The following FMN1 variants were observed in gnomAD, a reference collection of about 807,000 sequenced individuals.
FMN1 encodes the protein formin-1.
A neutral mutation model predicts 132.4 loss-of-function variants in FMN1; 110 were observed. The ratio of observed to expected loss-of-function variants is 0.83; its 90% confidence interval spans 0.71 to 0.97. FMN1 has a LOEUF of 0.97. FMN1 is among the 50% of genes least tolerant of loss of function. The pLI, the probability that FMN1 is intolerant of heterozygous loss-of-function variation, is 0.00. For missense variants in FMN1, 1,792 were observed against 1,705.3 expected (o/e 1.05, Z -0.90); for synonymous variants, 722 against 651.7 (o/e 1.11, Z -1.64).
At chr15:33,128,507 A>T (rs1042925635) in intron 4 of FMN1, among the ~76,000 whole-genome samples, 4 of 152,238 alleles carry the variant, frequency 2.6e-5, no homozygotes, top group Non-Finnish European at 2.9e-5. Flanking sequence ...CAGAGTCATT[A>T]CACTGAGAAT....
At chr15:33,109,886 G>T (rs2730050) in intron 4 of FMN1, among the ~76,000 whole-genome samples, 3 of 151,340 alleles carry the variant, frequency 2.0e-5, no homozygotes, top group Non-Finnish European at 4.4e-5. Context: ...TGTAAATCAG[G>T]AAGTCTAAAA....
At chr15:32,924,943 A>C (rs2060921721) in intron 10 of FMN1, among the ~76,000 whole-genome samples, 1 of 152,022 alleles carries the variant, frequency 6.6e-6, no homozygotes, top group South Asian at 2.1e-4. Context: ...AACCAAAAAA[A>C]CCCCCAAAGA....
At chr15:33,072,868 A>G (rs1297446787) in intron 5 of FMN1, among the ~76,000 whole-genome samples, 1 of 151,086 alleles carries the variant, frequency 6.6e-6, no homozygotes, top group Non-Finnish European at 1.5e-5. Flanking sequence ...GGCTGCAGTG[A>G]GCCGAGATGC....
chr15:33,076,492 G>A (rs1176219590), intron 5 of FMN1, among the ~76,000 whole-genome samples: 3 of 151,928 alleles, frequency 2.0e-5, no homozygotes, highest in African/African-American at 7.3e-5. Context: ...TTTTTAAAGG[G>A]GACAAAAGAA....
At chr15:33,064,741 T>A (rs763763429) in intron 6 of FMN1, 1 of 368,264 alleles carries the variant, frequency 2.7e-6, no homozygotes, top group Non-Finnish European at 4.9e-6. Context: ...CATTCCCCCT[T>A]TCATTCATTC....
In FMN1 at chr15:33,094,628, G is replaced by A. The variant is rs547823784; in HGVS notation, c.1868-5654C>T. The stretch of plus-strand genomic sequence containing the variant: ...ACCCTATGATACTCCTTCCCAGAAA[G>A]TCAAACATAGGAGCCTAGAGCCATG... On this transcript the variant is annotated intron_variant, in intron 4 of 20. Coordinates refer to ENST00000616417, the MANE Select transcript of FMN1 (RefSeq NM_001277313.2). Among the ~76,000 whole-genome samples the A allele has an allele frequency of 3.3e-5, 5 of 152,294 alleles. No homozygotes were observed. The South Asian group carries it at 1.0e-3, about 32-fold the overall frequency.
At chr15:33,110,399 A>G (rs2039655599) in intron 4 of FMN1, among the ~76,000 whole-genome samples, 2 of 152,140 alleles carry the variant, frequency 1.3e-5, no homozygotes, top group South Asian at 4.1e-4. Context: ...AGTACAGTAA[A>G]AAGACTGGAA....
At chr15:33,049,263 C>T (rs1330259319) in intron 6 of FMN1, among the ~76,000 whole-genome samples, 1 of 152,116 alleles carries the variant, frequency 6.6e-6, no homozygotes, top group African/African-American at 2.4e-5. Flanking sequence ...TTGGACTTAG[C>T]TCATGCATTA....
At chr15:33,043,540 GA>G in intron 6 of FMN1, among the ~76,000 whole-genome samples, 1 of 152,326 alleles carries the variant, frequency 6.6e-6, no homozygotes, top group South Asian at 2.1e-4. Context: ...CCTGATTCAC[GA>G]ATTGTTCATT....
intron 9 of FMN1, among the ~76,000 whole-genome samples, chr15:32,934,597 CCTTT>C (rs1372646664): frequency 2.1e-4 from 31 of 145,876 alleles, no homozygotes; most frequent in African/African-American, 4.1e-4. Flanking sequence ...CAATTTTTTT[CCTTT>C]TTTTTTTTTT....
Position 32,770,334 on chromosome 15 carries a change from A to G in FMN1, c.*3976T>C, listed in dbSNP as rs1226088416. ...ATGACACTGGCCAAGGGAGAAGCAG[A>G]AACAGAAATGAGGACATGTAACTTT... On this transcript the variant is annotated 3_prime_UTR_variant, in exon 21 of 21. Transcript: ENST00000616417. 4 of 152,256 alleles carry G rather than the reference A, an allele frequency of 2.6e-5. No homozygotes were observed. The highest frequency in any genetic ancestry group is 4.4e-5 in the Non-Finnish European group (3 of 68,046). The allele number at this position is 152,256 out of a possible 1,614,324, so 9.4% of individuals were successfully genotyped here. A position where few individuals can be genotyped will look rare whatever the true frequency, so the allele number is the denominator to read the frequency against.
intron 4 of FMN1, among the ~76,000 whole-genome samples, chr15:33,106,787 A>G (rs2039504744): frequency 1.3e-5 from 2 of 151,992 alleles, no homozygotes; most frequent in South Asian, 2.1e-4. Context: ...CCCCTCCCCA[A>G]TCCCTTGGCC....
chr15:33,148,653 CCT>C (rs1164258850), intron 4 of FMN1, among the ~76,000 whole-genome samples: 3 of 151,758 alleles, frequency 2.0e-5, no homozygotes, highest in African/African-American at 7.3e-5. Flanking sequence ...ATTAATCTCC[CCT>C]GTCTGGGCTC....
intron 10 of FMN1, among the ~76,000 whole-genome samples, chr15:32,923,940 G>A (rs1172223456): frequency 7.1e-6 from 1 of 140,440 alleles, no homozygotes; most frequent in Non-Finnish European, 1.5e-5. Context: ...GTTTCACCAG[G>A]CTCATGGAGA....
chr15:32,838,656 G>T (rs1488223709), intron 17 of FMN1, among the ~76,000 whole-genome samples: 1 of 152,186 alleles, frequency 6.6e-6, no homozygotes, highest in Admixed American at 6.5e-5. Flanking sequence ...TCAGCATTTG[G>T]CTAATTAAGG....
At chr15:33,010,936 C>T (rs1412170689) in intron 6 of FMN1, among the ~76,000 whole-genome samples, 1 of 151,108 alleles carries the variant, frequency 6.6e-6, no homozygotes, top group Non-Finnish European at 1.5e-5. Flanking sequence ...GACAAGTGGG[C>T]AAGCCATGTT....
rs1466399618 is a variant in FMN1 at position 32,964,045 on chromosome 15, A to ACG, written c.3138+61_3138+62insCG. The stretch of plus-strand genomic sequence containing the variant: ...CACACACACACACACACACACACAC[A>ACG]CACATATATACCATTTCCCTGTATA... On this transcript the variant is annotated intron_variant, in intron 9 of 20. Coordinates refer to ENST00000616417, the MANE Select transcript of FMN1 (RefSeq NM_001277313.2). 845 of 1,230,072 alleles carry ACG rather than the reference A, an allele frequency of 6.9e-4. 3 individuals carry two copies. In the African/African-American group the frequency reaches 0.012, roughly 18 times the overall value. 76.2% of individuals were successfully genotyped at this position (1,230,072 alleles called of 1,614,324 possible).
chr15:32,937,071 A>G (rs2061293125), intron 9 of FMN1, among the ~76,000 whole-genome samples: 1 of 152,156 alleles, frequency 6.6e-6, no homozygotes, highest in African/African-American at 2.4e-5. Flanking sequence ...TTCCTTCTCC[A>G]AGGAGAAGCC....
chr15:33,019,870 C>G lies in FMN1; in HGVS notation c.2162-11795G>C, dbSNP rs546205961. Reference sequence around the variant, plus strand: ...TCCGTGCCTCTCCCTCCACACCTCCCCGCAAGCGGAGGGAGCCGGCTCCGG... The same window carrying G: ...TCCGTGCCTCTCCCTCCACACCTCCGCGCAAGCGGAGGGAGCCGGCTCCGG... On this transcript the variant is annotated intron_variant, in intron 6 of 20. Transcript: ENST00000616417. Among the ~76,000 whole-genome samples the G allele has an allele frequency of 2.0e-5, 3 of 152,314 alleles. No individual in the cohort carries two copies. In the South Asian group the frequency reaches 6.2e-4, roughly 32 times the overall value.
Sources: gnomAD v4.1 joint callset for allele counts (sites outside exome capture counted in the v4.1 genomes callset) on GRCh38, gnomAD v4.1.1 for gene constraint, MANE v1.5 for transcripts, NCBI Gene and HGNC (gene_info 2026-07-23, HGNC 2026-07-21) for gene names.